The following PLD5 variants were observed in gnomAD, a reference collection of about 807,000 sequenced individuals.
The protein encoded by PLD5 is inactive phospholipase D5.
PLD5 carries 36 observed loss-of-function variants against 61.1 expected under a neutral mutation model. The observed-to-expected ratio is 0.59, with a 90% CI of 0.45 to 0.78. PLD5 has a LOEUF of 0.78. PLD5 is among the 30% of genes least tolerant of loss of function. The pLI is 0.00. For missense variants in PLD5, 515 were observed against 644.4 expected (o/e 0.80, Z 2.17); for synonymous variants, 243 against 242.8 (o/e 1.00, Z -0.01).
At chr1:242,314,651 C>G (rs573050707) in intron 2 of PLD5, among the ~76,000 whole-genome samples, 13 of 152,108 alleles carry the variant, frequency 8.5e-5, no homozygotes, top group Non-Finnish European at 1.6e-4. Context: ...ATTTCAAATT[C>G]TAATCATGGA....
chr1:242,089,855 TA>T lies in PLD5; in HGVS notation c.1609del (p.Ter537AsnfsTer27). 4 of 1,614,232 alleles carry T rather than the reference TA, an allele frequency of 2.5e-6. No homozygotes were observed. Among genetic ancestry groups the T allele is most frequent in the Non-Finnish European group, 3.4e-6 (4 of 1,180,038 alleles). On this transcript the variant is annotated frameshift_variant and stop_lost, in exon 10 of 10. Coordinates refer to ENST00000536534, the MANE Select transcript of PLD5 (RefSeq NM_001372062.1). LOFTEE classifies it high-confidence loss of function. ...DTGGKDPRNV* is the reference protein window; with the variant it reads ...DTGGKDPRNVX ...TGTCCTGTCAGTTTCTTCATCATGT[TA>T]TACGTTCCGGGGATCCTTTCCGCCT...
chr1:242,253,582 G>T (rs1185382531), intron 4 of PLD5, among the ~76,000 whole-genome samples: 1 of 151,904 alleles, frequency 6.6e-6, no homozygotes, highest in African/African-American at 2.4e-5. Flanking sequence ...CAAAGTGCTG[G>T]GATTACAGGC....
At chr1:242,371,513 T>A (rs1310556208) in intron 1 of PLD5, among the ~76,000 whole-genome samples, 1 of 152,130 alleles carries the variant, frequency 6.6e-6, no homozygotes, top group African/African-American at 2.4e-5. Context: ...CCTTTCTCCA[T>A]CCCTTATCCC....
At chr1:242,186,075 T>C (rs1256844137) in intron 5 of PLD5, among the ~76,000 whole-genome samples, 1 of 152,164 alleles carries the variant, frequency 6.6e-6, no homozygotes, top group East Asian at 1.9e-4. Flanking sequence ...TTCAAGTATT[T>C]TAAATAAAAT....
chr1:242,466,482 CT>C (rs1667280310), intron 1 of PLD5, among the ~76,000 whole-genome samples: 2 of 152,060 alleles, frequency 1.3e-5, no homozygotes, highest in Non-Finnish European at 2.9e-5. Flanking sequence ...GCTATTCAGC[CT>C]TAAAAAAGAA....
At chr1:242,419,752 AG>A (rs1665037676) in intron 1 of PLD5, among the ~76,000 whole-genome samples, 1 of 151,978 alleles carries the variant, frequency 6.6e-6, no homozygotes, top group South Asian at 2.1e-4. Flanking sequence ...GTAAAGGTCT[AG>A]GGCTACCCAA....
chr1:242,259,730 ATTTTAT>A (rs1673278412), intron 4 of PLD5, among the ~76,000 whole-genome samples: 1 of 151,486 alleles, frequency 6.6e-6, no homozygotes, highest in Non-Finnish European at 1.5e-5. Context: ...TTCTGACTTT[ATTTTAT>A]TTTTAATTGT....
At chr1:242,162,622 A>AGAATGTTACT (rs1461999629) in intron 5 of PLD5, among the ~76,000 whole-genome samples, 9 of 152,204 alleles carry the variant, frequency 5.9e-5, no homozygotes, top group Non-Finnish European at 1.2e-4. Context: ...TTGTCTACGC[A>AGAATGTTACT]GAATGTTACT....
chr1:242,259,622 T>G lies in PLD5; in HGVS notation c.607+5715A>C, dbSNP rs559734657. Among the ~76,000 whole-genome samples, 13 of 152,288 alleles carry G rather than the reference T, an allele frequency of 8.5e-5. No homozygotes were observed. The South Asian group carries it at 2.5e-3, about 29-fold the overall frequency. On this transcript the variant is annotated intron_variant, in intron 4 of 9. Transcript: ENST00000536534. ...GTGAACTTAACTTCTAGGTCACTGA[T>G]TCTAAATCTTCTATGACACTTATTT...
chr1:242,205,886 G>T (rs922365542), intron 5 of PLD5, among the ~76,000 whole-genome samples: 1 of 152,136 alleles, frequency 6.6e-6, no homozygotes, highest in Admixed American at 6.5e-5. Context: ...AAAGAAAAAG[G>T]GACAAGAGGA....
In PLD5 at chr1:242,253,115, CTTT is replaced by C. The variant is rs35097685; in HGVS notation, c.607+12219_607+12221del. Among the ~76,000 whole-genome samples the C allele has an allele frequency of 1.4e-3, 100 of 73,190 alleles. 1 individual carries two copies. The highest frequency in any genetic ancestry group is 9.6e-3 in the Middle Eastern group (1 of 104). The allele number at this position is 73,190 out of a possible 152,430, so 48.0% of individuals were successfully genotyped here. On this transcript the variant is annotated intron_variant, in intron 4 of 9. Transcript: ENST00000536534. ...CAGGCGTGAGCCACCGTGTATGGCC[CTTT>C]TTTTTTTTTTTTTTTTTTTGAGGCA...
At chr1:242,132,921 A>G (rs191359990) in intron 5 of PLD5, among the ~76,000 whole-genome samples, 25 of 152,208 alleles carry the variant, frequency 1.6e-4, no homozygotes, top group African/African-American at 5.3e-4. Flanking sequence ...AGGGAACCTA[A>G]GACTGATTTG....
chr1:242,401,534 G>C (rs1663934937), intron 1 of PLD5, among the ~76,000 whole-genome samples: 1 of 152,176 alleles, frequency 6.6e-6, no homozygotes, highest in South Asian at 2.1e-4. Context: ...CCCACATCCT[G>C]TAATGTTTTC....
At chr1:242,447,702 G>A (rs763788399) in intron 1 of PLD5, among the ~76,000 whole-genome samples, 2 of 152,102 alleles carry the variant, frequency 1.3e-5, no homozygotes, top group South Asian at 2.1e-4. Flanking sequence ...AGTTCCCATC[G>A]CACCCTTCCA....
chr1:242,479,887 C>T (rs78565126), intron 1 of PLD5, among the ~76,000 whole-genome samples: 64 of 132,008 alleles, frequency 4.8e-4, no homozygotes, highest in African/African-American at 1.5e-3. Flanking sequence ...ACTAAAAATA[C>T]AAAAAAAAAA....
chr1:242,163,327 C>T (rs977010956), intron 5 of PLD5, among the ~76,000 whole-genome samples: 60 of 151,632 alleles, frequency 4.0e-4, no homozygotes, highest in African/African-American at 1.3e-3. Context: ...GTATTTTTAG[C>T]ACAGACGGGG....
chr1:242,305,803 G>A (rs1007003455), intron 2 of PLD5, among the ~76,000 whole-genome samples: 1 of 152,126 alleles, frequency 6.6e-6, no homozygotes, highest in Non-Finnish European at 1.5e-5. Flanking sequence ...CTCATGACCC[G>A]CCCGCCTCGG....
At chr1:242,273,982 C>T (rs1286901308) in intron 3 of PLD5, among the ~76,000 whole-genome samples, 1 of 152,142 alleles carries the variant, frequency 6.6e-6, no homozygotes. Context: ...TCCGGGGAAA[C>T]TGATTTCGGG....
intron 5 of PLD5, among the ~76,000 whole-genome samples, chr1:242,211,390 T>G (rs891476383): frequency 2.6e-5 from 4 of 152,216 alleles, no homozygotes; most frequent in African/African-American, 9.6e-5. Context: ...ATAGCTTGTT[T>G]ACTCATGTGG....
Sources: gnomAD v4.1 joint callset for allele counts (sites outside exome capture counted in the v4.1 genomes callset) on GRCh38, gnomAD v4.1.1 for gene constraint, MANE v1.5 for transcripts, NCBI Gene and HGNC (gene_info 2026-07-23, HGNC 2026-07-21) for gene names.